PRKCA: variants seen among roughly 807,000 people sequenced by gnomAD.
PRKCA encodes the protein protein kinase C alpha type.
In PRKCA, 27 loss-of-function variants were observed where a neutral mutation model predicts 87.0. That is an observed-to-expected ratio of 0.31 (90% CI 0.23 to 0.43). The LOEUF is 0.43. Ranked by LOEUF, PRKCA falls within the 20% of genes least tolerant of loss-of-function variation. PRKCA has a pLI of 1.00. For synonymous variants in PRKCA, 329 were observed against 311.1 expected, an observed-to-expected ratio of 1.06 and a Z score of -0.61; for missense variants, 518 against 852.3, an observed-to-expected ratio of 0.61 and a Z score of 4.88.
chr17:66,401,335 GGT>G (rs1230339243), intron 2 of PRKCA, among the ~76,000 whole-genome samples: 1 of 152,206 alleles, frequency 6.6e-6, no homozygotes, highest in Non-Finnish European at 1.5e-5. Flanking sequence ...TAACCTGGGA[GGT>G]GTGAGTGGAG....
chr17:66,422,242 A>G (rs1912536355), intron 2 of PRKCA, among the ~76,000 whole-genome samples: 1 of 152,112 alleles, frequency 6.6e-6, no homozygotes, highest in Non-Finnish European at 1.5e-5. Context: ...GAGTGATTTG[A>G]GGGGAGACTA....
At chr17:66,653,152 A>C (rs927851551) in intron 5 of PRKCA, among the ~76,000 whole-genome samples, 2 of 152,232 alleles carry the variant, frequency 1.3e-5, no homozygotes, top group Admixed American at 6.5e-5. Flanking sequence ...ACTTACATGG[A>C]TGGGCAGGGG....
chr17:66,631,925 ATATAT>A (rs1971025908), intron 3 of PRKCA, among the ~76,000 whole-genome samples: 1 of 152,250 alleles, frequency 6.6e-6, no homozygotes, highest in South Asian at 2.1e-4. Context: ...AATGAATAAG[ATATAT>A]TATGAAATAG....
chr17:66,456,005 GT>G, intron 2 of PRKCA, among the ~76,000 whole-genome samples: 1 of 152,172 alleles, frequency 6.6e-6, no homozygotes, highest in South Asian at 2.1e-4. Flanking sequence ...ATTGACTGTT[GT>G]TCTCGTAAGA....
chr17:66,764,580 T>C (rs541203675), intron 13 of PRKCA, among the ~76,000 whole-genome samples: 98 of 152,342 alleles, frequency 6.4e-4, no homozygotes, highest in Non-Finnish European at 1.2e-3. Flanking sequence ...CAGTTGGCTC[T>C]TGTAAGTATA....
At chr17:66,381,093 C>A (rs1909752858) in intron 2 of PRKCA, among the ~76,000 whole-genome samples, 1 of 151,944 alleles carries the variant, frequency 6.6e-6, no homozygotes, top group African/African-American at 2.4e-5. Flanking sequence ...GTGCAAGCCA[C>A]CACGCCCAGC....
At chr17:66,667,270 G>A (rs1267555180) in intron 5 of PRKCA, among the ~76,000 whole-genome samples, 10 of 152,182 alleles carry the variant, frequency 6.6e-5, no homozygotes, top group Non-Finnish European at 1.5e-4. Flanking sequence ...GGCCTTTAAA[G>A]AACAGACCAC....
intron 5 of PRKCA, among the ~76,000 whole-genome samples, chr17:66,673,189 G>T (rs1194435086): frequency 6.6e-6 from 1 of 152,196 alleles, no homozygotes; most frequent in Non-Finnish European, 1.5e-5. Flanking sequence ...GGAAAGTAAT[G>T]AAATATTTAT....
chr17:66,617,947 T>C (rs1181950006), intron 3 of PRKCA, among the ~76,000 whole-genome samples: 9 of 152,154 alleles, frequency 5.9e-5, no homozygotes, highest in Admixed American at 5.9e-4. Context: ...GTCATGAAAA[T>C]TTAGTTGCCC....
chr17:66,425,675 C>G (rs1476960190), intron 2 of PRKCA, among the ~76,000 whole-genome samples: 2 of 152,150 alleles, frequency 1.3e-5, no homozygotes, highest in Non-Finnish European at 2.9e-5. Context: ...TTTTAGCGAT[C>G]TTAGAAAAGA....
At chr17:66,377,130 A>C (rs1417672189) in intron 2 of PRKCA, among the ~76,000 whole-genome samples, 1 of 151,976 alleles carries the variant, frequency 6.6e-6, no homozygotes, top group East Asian at 1.9e-4. Flanking sequence ...GGTTCAAGCG[A>C]TTTTCCTGCC....
intron 8 of PRKCA, among the ~76,000 whole-genome samples, chr17:66,691,097 C>G (rs1379153802): frequency 6.8e-6 from 1 of 147,908 alleles, no homozygotes; most frequent in South Asian, 2.2e-4. Context: ...GCCAAGATCA[C>G]GCCAGTGCAC....
chr17:66,695,477 A>C (rs1427723035), intron 8 of PRKCA, among the ~76,000 whole-genome samples: 1 of 152,190 alleles, frequency 6.6e-6, no homozygotes, highest in Non-Finnish European at 1.5e-5. Flanking sequence ...GTTAACAGTT[A>C]ATGGAGATTC....
At position 66,805,934 on chromosome 17, in the gene PRKCA, C is replaced by G. The variant is rs368189761; in HGVS notation, c.*1897C>G. 110 of 152,410 alleles carry G rather than the reference C, an allele frequency of 7.2e-4. No individual in the cohort carries two copies. Among genetic ancestry groups the G allele is most frequent in the African/African-American group, 2.4e-3 (101 of 41,600 alleles). The allele number at this position is 152,410 out of a possible 1,614,324, so 9.4% of individuals were successfully genotyped here. ...GCTGTCTTGCTGCCTCTGCAACGAC[C>G]TGTCGTTTGCTCCAGCATGCACAAA... On this transcript the variant is annotated 3_prime_UTR_variant, in exon 17 of 17. Coordinates refer to ENST00000413366, the MANE Select transcript of PRKCA (RefSeq NM_002737.3).
intron 2 of PRKCA, among the ~76,000 whole-genome samples, chr17:66,385,941 G>A (rs1408401166): frequency 6.6e-6 from 1 of 152,080 alleles, no homozygotes; most frequent in Non-Finnish European, 1.5e-5. Context: ...GTGTTTTTTA[G>A]TAGAGATGGG....
At chr17:66,694,351 G>A (rs1172045674) in intron 8 of PRKCA, among the ~76,000 whole-genome samples, 3 of 151,486 alleles carry the variant, frequency 2.0e-5, no homozygotes, top group South Asian at 2.1e-4. Flanking sequence ...GCATAGTGGC[G>A]GGCGCCTGTA....
At chr17:66,522,529 A>G (rs1967196366) in intron 3 of PRKCA, among the ~76,000 whole-genome samples, 1 of 152,126 alleles carries the variant, frequency 6.6e-6, no homozygotes, top group Non-Finnish European at 1.5e-5. Context: ...GATCTCCCAG[A>G]GAGGCTCAGT....
At chr17:66,411,917 A>G (rs1388813421) in intron 2 of PRKCA, among the ~76,000 whole-genome samples, 1 of 152,092 alleles carries the variant, frequency 6.6e-6, no homozygotes, top group Non-Finnish European at 1.5e-5. Flanking sequence ...ATTACTTTTT[A>G]AAAATATTCT....
Position 66,656,811 on chromosome 17 carries a change from G to C in PRKCA, c.529+11300G>C, listed in dbSNP as rs1037986130. 5.9e-5 allele frequency among the ~76,000 whole-genome samples: 9 copies of C among 152,242 alleles called. No individual in the cohort carries two copies. In the East Asian group the frequency reaches 1.7e-3, roughly 29 times the overall value. On this transcript the variant is annotated intron_variant, in intron 5 of 16. Transcript: ENST00000413366. Reference sequence around the variant, plus strand: ...AATGCAGAAATTTTTTTCCTCTCTTGATCCATGTCATCTTCAACGGTGGGT... The same window carrying C: ...AATGCAGAAATTTTTTTCCTCTCTTCATCCATGTCATCTTCAACGGTGGGT...
Sources: allele counts gnomAD v4.1 joint callset (sites outside exome capture counted in the v4.1 genomes callset), GRCh38; gene constraint gnomAD v4.1.1; transcripts MANE v1.5; gene names NCBI Gene and HGNC (gene_info 2026-07-23, HGNC 2026-07-21).